Variants in IRAK2 observed in about 807,000 individuals in gnomAD.
IRAK2 encodes interleukin-1 receptor-associated kinase-like 2.
Under a neutral mutation model 72.0 loss-of-function variants are expected in IRAK2, and 57 were observed. The observed-to-expected ratio is 0.79, with a 90% confidence interval of 0.64 to 0.99. The LOEUF is 0.99. IRAK2 is among the 50% of genes least tolerant of loss of function. IRAK2 has a pLI of 0.00. For synonymous variants in IRAK2, 293 were observed against 312.7 expected (o/e 0.94, Z 0.67); for missense variants, 790 against 794.4 (o/e 0.99, Z 0.07).
At chr3:10,206,267 G>T (rs1015339737) in intron 3 of IRAK2, among the ~76,000 whole-genome samples, 7 of 152,168 alleles carry the variant, frequency 4.6e-5, no homozygotes, top group African/African-American at 1.4e-4. Context: ...CAGTGCCTGG[G>T]GAACAGCCCC....
At chr3:10,232,081 CGT>C (rs1329651593) in intron 10 of IRAK2, among the ~76,000 whole-genome samples, 2 of 152,158 alleles carry the variant, frequency 1.3e-5, no homozygotes, top group Non-Finnish European at 2.9e-5. Flanking sequence ...GAGCCGAGAT[CGT>C]GCCACTGCAC....
intron 2 of IRAK2, among the ~76,000 whole-genome samples, chr3:10,191,177 C>T (rs1353574892): frequency 2.0e-5 from 3 of 152,030 alleles, no homozygotes; most frequent in African/African-American, 4.8e-5. Flanking sequence ...TGCCTGTAGT[C>T]CCAGCTACTC....
At chr3:10,168,133 C>G (rs1696724727) in intron 1 of IRAK2, among the ~76,000 whole-genome samples, 2 of 151,982 alleles carry the variant, frequency 1.3e-5, no homozygotes, top group South Asian at 4.1e-4. Context: ...CAGATGTTTT[C>G]TAAAGTGGCT....
intron 1 of IRAK2, among the ~76,000 whole-genome samples, chr3:10,167,142 C>T (rs1450098428): frequency 1.3e-5 from 2 of 152,122 alleles, no homozygotes; most frequent in Admixed American, 6.6e-5. Flanking sequence ...CCATACAATC[C>T]ACCTGTTTCA....
At position 10,164,982 on chromosome 3, in the gene IRAK2, T is replaced by C. The variant is rs756655853; in HGVS notation, c.28T>C (p.Ser10Pro). The C allele has an allele frequency of 6.2e-7, 1 of 1,611,346 alleles. No homozygotes were observed. Among genetic ancestry groups the C allele is most frequent in the African/African-American group, 1.3e-5 (1 of 74,758 alleles). MACYIYQLP[S>P]WVLDDLCRNM... ...GGCCTGCTACATCTACCAGCTGCCC[T>C]CCTGGGTGCTGGACGACCTGTGCCG... The change falls in exon 1 of 13, where the codon TCC becomes CCC. Residue 10 changes from serine (S) to proline (P), a missense_variant. Transcript: ENST00000256458.
At chr3:10,181,940 G>A (rs1054155409) in intron 2 of IRAK2, among the ~76,000 whole-genome samples, 1 of 151,360 alleles carries the variant, frequency 6.6e-6, no homozygotes, top group African/African-American at 2.4e-5. Flanking sequence ...TCCTGAGTAA[G>A]CATCATTTTC....
rs74856210 is a variant in IRAK2, at chr3:10,184,429, C to T, written c.277+6409C>T. Reference sequence around the variant, plus strand: ...ATCTGCTTTCCACAAGGGAGATAGGCCTGGGGGCCTAATCAGTCACTTCCT... The same window carrying T: ...ATCTGCTTTCCACAAGGGAGATAGGTCTGGGGGCCTAATCAGTCACTTCCT... On this transcript the variant is annotated intron_variant, in intron 2 of 12. Coordinates refer to ENST00000256458, the MANE Select transcript of IRAK2 (RefSeq NM_001570.4). Among the ~76,000 whole-genome samples, 653 of 152,244 alleles carry T rather than the reference C, an allele frequency of 4.3e-3. 22 individuals are homozygous for T. In the South Asian group the frequency reaches 0.074, roughly 17 times the overall value.
intron 1 of IRAK2, among the ~76,000 whole-genome samples, chr3:10,169,799 T>C (rs1696767190): frequency 6.6e-6 from 1 of 152,164 alleles, no homozygotes; most frequent in Non-Finnish European, 1.5e-5. Context: ...ATGAAAATGA[T>C]GGGATTAAGA....
rs1006052175 is a variant in IRAK2 at position 10,234,678 on chromosome 3, G to A, written c.1473+19G>A. 6.2e-7 allele frequency: 1 copy of A among 1,606,550 alleles called. No homozygotes were observed. ...GCAGGAGGTGAGCCTCGCCCGCAGC[G>A]GCCTCGCTGCCTGGGCCACGCGTGG... On this transcript the variant is annotated intron_variant, in intron 11 of 12. Transcript: ENST00000256458.
intron 2 of IRAK2, among the ~76,000 whole-genome samples, chr3:10,188,398 G>A (rs185543363): frequency 4.6e-5 from 7 of 152,246 alleles, no homozygotes; most frequent in African/African-American, 1.7e-4. Flanking sequence ...GCCATGGCTC[G>A]ATCTCGGCTC....
intron 9 of IRAK2, 34 bp downstream of exon 9, chr3:10,222,865 C>T (rs1307671298): frequency 1.9e-6 from 3 of 1,584,810 alleles, no homozygotes; most frequent in Non-Finnish European, 2.6e-6. Flanking sequence ...GAGTGGGGCC[C>T]ACCTTGATTT....
chr3:10,206,821 G>A (rs1248115840), intron 3 of IRAK2, among the ~76,000 whole-genome samples: 1 of 151,648 alleles, frequency 6.6e-6, no homozygotes, highest in South Asian at 2.1e-4. Flanking sequence ...CTCCCAAAGC[G>A]CTGGGATTAC....
At chr3:10,190,100 A>G (rs1348790012) in intron 2 of IRAK2, among the ~76,000 whole-genome samples, 1 of 151,486 alleles carries the variant, frequency 6.6e-6, no homozygotes, top group Non-Finnish European at 1.5e-5. Flanking sequence ...CACATAGCCC[A>G]TAGTGATGAG....
rs544656966 is a variant in IRAK2, at chr3:10,204,136, C to A, written c.424+3621C>A. The stretch of plus-strand genomic sequence containing the variant: ...AGCCTTGGTAAAATACCAAGTACTG[C>A]ATGTGTCACAGCCTGACCTTTGTGC... On this transcript the variant is annotated intron_variant, in intron 3 of 12. Transcript: ENST00000256458. Among the ~76,000 whole-genome samples the A allele has an allele frequency of 1.1e-3, 168 of 152,356 alleles. 1 individual carries two copies. Among genetic ancestry groups the A allele is most frequent in the African/African-American group, 3.9e-3 (163 of 41,572 alleles).
rs1310698081 is a variant in IRAK2 at position 10,226,391 on chromosome 3, G to A, written c.1230G>A (p.Thr410=). 3.1e-6 allele frequency: 5 copies of A among 1,613,470 alleles called. No individual in the cohort carries two copies. Among genetic ancestry groups the A allele is most frequent in the East Asian group, 2.2e-5 (1 of 44,870 alleles). ...TCCAGGTGTTGGCCGAGGTCCTCAC[G>A]GGCATCCCTGCAATGGATAACAACC... The part of the protein sequence containing the change: ...SCGIVLAEVL[T]GIPAMDNNRS... Residue 410 remains threonine (T), a synonymous_variant, in exon 10 of 13, where the codon ACG becomes ACA. Coordinates refer to ENST00000256458, the MANE Select transcript of IRAK2 (RefSeq NM_001570.4).
At chr3:10,184,853 C>T (rs1054526752) in intron 2 of IRAK2, among the ~76,000 whole-genome samples, 9 of 150,688 alleles carry the variant, frequency 6.0e-5, no homozygotes, top group African/African-American at 9.9e-5. Context: ...CCTCAGCCTC[C>T]CGAGTAGCTG....
At chr3:10,181,721 G>A (rs1575957088) in intron 2 of IRAK2, among the ~76,000 whole-genome samples, 1 of 152,118 alleles carries the variant, frequency 6.6e-6, no homozygotes. Context: ...CTTGCATAAA[G>A]ACCATTGTAA....
In IRAK2 at chr3:10,234,503, C is replaced by G. The variant is rs1347421164; in HGVS notation, c.1317C>G (p.Leu439=). 1 of 1,614,070 alleles carries G rather than the reference C, an allele frequency of 6.2e-7. No individual in the cohort carries two copies. Among genetic ancestry groups the G allele is most frequent in the East Asian group, 2.2e-5 (1 of 44,896 alleles). Residue 439 remains leucine, a synonymous_variant, in exon 11 of 13, where the codon CTC becomes CTG. Coordinates refer to ENST00000256458, the MANE Select transcript of IRAK2 (RefSeq NM_001570.4). ...LSDIPSSTAS[L]CSRKTGVENV... ...ATATTCCAAGCAGCACCGCCTCGCT[C>G]TGCTCCAGGAAGACGGGCGTGGAGA...
chr3:10,231,318 G>A lies in IRAK2; in HGVS notation c.1273-3141G>A, dbSNP rs146833930. On this transcript the variant is annotated intron_variant, in intron 10 of 12. Coordinates refer to ENST00000256458, the MANE Select transcript of IRAK2 (RefSeq NM_001570.4). ...AATTTTAATTTTTTTTTGAAATGGA[G>A]TCTCCCTCTGTGGCCCAGGCTGGAG... Among the ~76,000 whole-genome samples the A allele has an allele frequency of 5.3e-3, 803 of 151,914 alleles. 11 individuals carry two copies. The highest frequency in any genetic ancestry group is 0.018 in the African/African-American group (751 of 41,414).
Sources: gnomAD v4.1 joint callset for allele counts (sites outside exome capture counted in the v4.1 genomes callset) on GRCh38, gnomAD v4.1.1 for gene constraint, MANE v1.5 for transcripts, NCBI Gene and HGNC (gene_info 2026-07-23, HGNC 2026-07-21) for gene names.